The following CACNA2D3 variants were observed in gnomAD, a reference collection of about 807,000 sequenced individuals.
CACNA2D3 encodes calcium voltage-gated channel auxiliary subunit alpha2delta 3.
A neutral mutation model predicts 160.6 loss-of-function variants in CACNA2D3; 60 were observed. The observed-to-expected ratio is 0.37, with a 90% CI of 0.30 to 0.46. The LOEUF (loss-of-function observed/expected upper bound fraction) is 0.46. Ranked by LOEUF, CACNA2D3 falls within the 20% of genes least tolerant of loss-of-function variation. CACNA2D3 has a pLI of 1.00. For synonymous variants in CACNA2D3, 558 were observed against 492.9 expected (o/e 1.13, Z -1.75); for missense variants, 1,205 against 1,365.0 (o/e 0.88, Z 1.85).
chr3:54,605,921 T>G (rs1366861841), intron 9 of CACNA2D3, among the ~76,000 whole-genome samples: 1 of 152,218 alleles, frequency 6.6e-6, no homozygotes, highest in Non-Finnish European at 1.5e-5. Flanking sequence ...TGACTTTTCT[T>G]CTGTAATGCC....
At position 54,180,297 on chromosome 3, in the gene CACNA2D3, C is replaced by T. The variant is rs892816585; in HGVS notation, c.204+56703C>T. 6.6e-5 allele frequency among the ~76,000 whole-genome samples: 10 copies of T among 152,256 alleles called. No individual in the cohort carries two copies. The South Asian group carries it at 2.1e-3, about 32-fold the overall frequency. ...TGGGAACCATGCTCAGGCCCATCTG[C>T]TGTGCACTTGCTTTGTGACATGTGT... On this transcript the variant is annotated intron_variant, in intron 2 of 37. Coordinates refer to ENST00000474759, the MANE Select transcript of CACNA2D3 (RefSeq NM_018398.3).
chr3:54,737,902 G>A (rs1421702970), intron 11 of CACNA2D3, among the ~76,000 whole-genome samples: 1 of 152,146 alleles, frequency 6.6e-6, no homozygotes, highest in Admixed American at 6.5e-5. Flanking sequence ...CTGACCTCAG[G>A]TGATCCACCT....
chr3:54,662,084 T>C (rs1474393387), intron 11 of CACNA2D3, among the ~76,000 whole-genome samples: 1 of 152,136 alleles, frequency 6.6e-6, no homozygotes, highest in Non-Finnish European at 1.5e-5. Context: ...GCAGATATCA[T>C]GTTCCTCTGG....
At chr3:54,682,312 C>T (rs555196859) in intron 11 of CACNA2D3, among the ~76,000 whole-genome samples, 8 of 151,996 alleles carry the variant, frequency 5.3e-5, no homozygotes, top group Non-Finnish European at 1.0e-4. Context: ...ATCATTAGAA[C>T]GTTGAGAATG....
chr3:54,890,855 C>T (rs371135306), intron 24 of CACNA2D3, among the ~76,000 whole-genome samples: 8 of 152,264 alleles, frequency 5.3e-5, no homozygotes, highest in South Asian at 2.1e-4. Flanking sequence ...ATTCCAACTA[C>T]GTGGAATTCC....
intron 13 of CACNA2D3, among the ~76,000 whole-genome samples, chr3:54,791,743 C>T (rs2178563): frequency 0.12 from 18,757 of 151,972 alleles, 1,291 homozygotes; most frequent in East Asian, 0.27. Flanking sequence ...CCAGATTTTG[C>T]TTTAAAAAAA....
intron 3 of CACNA2D3, among the ~76,000 whole-genome samples, chr3:54,343,739 C>A (rs541828531): frequency 1.6e-3 from 241 of 152,298 alleles, no homozygotes; most frequent in African/African-American, 5.4e-3. Context: ...CTCTACCCCC[C>A]ACAGCCCAAG....
intron 35 of CACNA2D3, among the ~76,000 whole-genome samples, chr3:55,043,996 G>A (rs578097479): frequency 2.6e-5 from 4 of 152,176 alleles, no homozygotes; most frequent in Admixed American, 6.5e-5. Flanking sequence ...ATATAAAACC[G>A]TCTTGATTAT....
chr3:54,646,619 T>C (rs1188545286), intron 11 of CACNA2D3, among the ~76,000 whole-genome samples: 1 of 152,186 alleles, frequency 6.6e-6, no homozygotes, highest in Non-Finnish European at 1.5e-5. Flanking sequence ...GTGGTATGTG[T>C]GGTATATGTA....
At chr3:54,580,328 C>T (rs1702653090) in intron 8 of CACNA2D3, among the ~76,000 whole-genome samples, 1 of 152,092 alleles carries the variant, frequency 6.6e-6, no homozygotes, top group African/African-American at 2.4e-5. Flanking sequence ...AAACCTGATG[C>T]ATCCCAGTTG....
At position 54,885,564 on chromosome 3, in the gene CACNA2D3, A is replaced by C; in HGVS notation, c.2034A>C (p.Lys678Asn). 6.2e-7 allele frequency: 1 copy of C among 1,613,206 alleles called. No homozygotes were observed. The highest frequency in any genetic ancestry group is 1.1e-5 in the South Asian group (1 of 90,838). The change falls in exon 23 of 38, where the codon AAA becomes AAC. Residue 678 changes from lysine to asparagine, a missense_variant. By Grantham distance (94) the Lys-to-Asn change is moderately conservative (BLOSUM62 0). This residue lies in a region of CACNA2D3 where 911 missense variants were observed against 1,002.2 expected (regional missense o/e 0.91). Coordinates refer to ENST00000474759, the MANE Select transcript of CACNA2D3 (RefSeq NM_018398.3). ...TAGAAGCGATTAAGCTCTACCTAAAAGGCAAAGAACCTCTGCTCCAGTGTG... is the reference window on the plus strand; with the variant it reads ...TAGAAGCGATTAAGCTCTACCTAAACGGCAAAGAACCTCTGCTCCAGTGTG... ...SQLEAIKLYL[K>N]GKEPLLQCDK...
At chr3:55,050,233 G>A (rs1453402966) in intron 35 of CACNA2D3, among the ~76,000 whole-genome samples, 5 of 150,312 alleles carry the variant, frequency 3.3e-5, no homozygotes, top group South Asian at 2.1e-4. Context: ...ATTTTGCAGC[G>A]GCTGGTACCG....
chr3:55,051,744 A>C (rs1285263648), intron 35 of CACNA2D3, among the ~76,000 whole-genome samples: 1 of 152,002 alleles, frequency 6.6e-6, no homozygotes, highest in Non-Finnish European at 1.5e-5. Context: ...CTGCTGTGCT[A>C]GCAATTAGCG....
intron 2 of CACNA2D3, among the ~76,000 whole-genome samples, chr3:54,294,118 T>G (rs1160194939): frequency 6.6e-6 from 1 of 152,202 alleles, no homozygotes; most frequent in Non-Finnish European, 1.5e-5. Context: ...TTGTACTTTC[T>G]AGCAAGGGAA....
At chr3:54,969,982 T>A in intron 29 of CACNA2D3, 138 bp downstream of exon 29, 1 of 580,794 alleles carries the variant, frequency 1.7e-6, no homozygotes, top group Non-Finnish European at 3.0e-6. Flanking sequence ...AAAAAAATCA[T>A]TTGCTTTATT....
chr3:54,160,691 T>A (rs1700328810), intron 2 of CACNA2D3, among the ~76,000 whole-genome samples: 1 of 152,180 alleles, frequency 6.6e-6, no homozygotes, highest in Non-Finnish European at 1.5e-5. Flanking sequence ...TGGGAAGACC[T>A]CTCTCCAATT....
At chr3:54,949,365 A>C (rs902519696) in intron 27 of CACNA2D3, among the ~76,000 whole-genome samples, 1 of 152,200 alleles carries the variant, frequency 6.6e-6, no homozygotes, top group African/African-American at 2.4e-5. Flanking sequence ...AAAAGGGGAC[A>C]TGCCTGCTCA....
In CACNA2D3 at chr3:54,164,355, C is replaced by T. The variant is rs59072955; in HGVS notation, c.204+40761C>T. On this transcript the variant is annotated intron_variant, in intron 2 of 37. Transcript: ENST00000474759. ...ACCTCGAGAATCCTCCCTCTGCTGC[C>T]GCAGGATGGGACCAACAGTTCCCTG... Among the ~76,000 whole-genome samples, 7 of 152,036 alleles carry T rather than the reference C, an allele frequency of 4.6e-5. No individual in the cohort carries two copies. The East Asian group carries it at 5.8e-4, about 13-fold the overall frequency.
At chr3:54,878,777 C>A (rs1038008723) in intron 18 of CACNA2D3, 16 of 348,642 alleles carry the variant, frequency 4.6e-5, no homozygotes, top group African/African-American at 3.2e-4. Flanking sequence ...ATCGCCAAGG[C>A]TCTTTTGTTA....
Sources: allele counts gnomAD v4.1 joint callset (sites outside exome capture counted in the v4.1 genomes callset), GRCh38; gene constraint gnomAD v4.1.1; regional missense constraint gnomAD v4.1.1; transcripts MANE v1.5; gene names NCBI Gene and HGNC (gene_info 2026-07-23, HGNC 2026-07-21).